The following TENM2 variants were observed in gnomAD, a reference collection of about 807,000 sequenced individuals.
The protein encoded by TENM2 is teneurin transmembrane protein 2, also known as teneurin-2.
A neutral mutation model predicts 245.2 loss-of-function variants in TENM2; 52 were observed. The ratio of observed to expected loss-of-function variants is 0.21; its 90% CI spans 0.17 to 0.27. The LOEUF is 0.27. Ranked by LOEUF, TENM2 falls within the 10% of genes least tolerant of loss-of-function variation. TENM2 has a pLI of 1.00. For missense variants in TENM2, 3,046 were observed against 3,666.8 expected (o/e 0.83, Z 4.37); for synonymous variants, 1,363 against 1,438.9 (o/e 0.95, Z 1.19).
At position 167,329,569 on chromosome 5, in the gene TENM2, A is replaced by AAAG. The variant is rs1235756620; in HGVS notation, c.226+44508_226+44509insGAA. ...TCAGTCTCAAAAAAAAAAAAAAAAA[A>AAAG]AAAAAAAAAAAGAGGTGGCATACTC... On this transcript the variant is annotated intron_variant, in intron 1 of 28. Transcript: ENST00000518659. Among the ~76,000 whole-genome samples, 5 of 149,596 alleles carry AAAG rather than the reference A, an allele frequency of 3.3e-5. No individual in the cohort carries two copies. In the East Asian group the frequency reaches 9.8e-4, roughly 29 times the overall value.
At chr5:168,164,846 T>G (rs1259017273) in intron 13 of TENM2, among the ~76,000 whole-genome samples, 2 of 152,194 alleles carry the variant, frequency 1.3e-5, no homozygotes, top group Non-Finnish European at 2.9e-5. Flanking sequence ...AAAATGTATT[T>G]AGTGCCACCT....
intron 6 of TENM2, 28 bp from the exon 9 acceptor site, chr5:168,062,032 T>C (rs1190912708): frequency 6.4e-7 from 1 of 1,562,762 alleles, no homozygotes. Flanking sequence ...CGTCATTGAC[T>C]GCTGTTTATT....
At chr5:167,702,723 G>A (rs1758246923) in intron 2 of TENM2, among the ~76,000 whole-genome samples, 1 of 151,988 alleles carries the variant, frequency 6.6e-6, no homozygotes, top group Non-Finnish European at 1.5e-5. Flanking sequence ...GGAGTGCAAT[G>A]GTACAATCTC....
chr5:167,697,573 T>C (rs1413269410), intron 2 of TENM2, among the ~76,000 whole-genome samples: 2 of 152,200 alleles, frequency 1.3e-5, no homozygotes, highest in African/African-American at 4.8e-5. Flanking sequence ...TCTTGTTGCC[T>C]GGAGTGCAGT....
At chr5:167,919,255 G>A (rs191820851) in intron 3 of TENM2, among the ~76,000 whole-genome samples, 10 of 152,200 alleles carry the variant, frequency 6.6e-5, no homozygotes, top group South Asian at 2.1e-4. Context: ...ATTTTGCACC[G>A]CCATCCGCCT....
At chr5:167,931,327 T>G (rs1300836972) in intron 3 of TENM2, among the ~76,000 whole-genome samples, 1 of 152,042 alleles carries the variant, frequency 6.6e-6, no homozygotes, top group Non-Finnish European at 1.5e-5. Context: ...TGTCAGAGAT[T>G]GAACTGGGGT....
At chr5:168,143,779 A>G (rs1335925661) in intron 12 of TENM2, among the ~76,000 whole-genome samples, 2 of 151,496 alleles carry the variant, frequency 1.3e-5, no homozygotes, top group African/African-American at 2.4e-5. Context: ...GTTTCTTTCA[A>G]TGATACCAGT....
chr5:167,655,078 G>C (rs186683040), intron 2 of TENM2, among the ~76,000 whole-genome samples: 2 of 152,096 alleles, frequency 1.3e-5, no homozygotes, highest in Admixed American at 1.3e-4. Context: ...ACAGACGATC[G>C]ATAGCCACAT....
At chr5:167,332,709 C>CA (rs549670156) in intron 1 of TENM2, among the ~76,000 whole-genome samples, 206 of 152,156 alleles carry the variant, frequency 1.4e-3, no homozygotes, top group African/African-American at 4.8e-3. Context: ...ACTAATCACA[C>CA]AAAAAAACCT....
the TENM2 span, among the ~76,000 whole-genome samples, chr5:167,243,177 G>A: frequency 6.6e-6 from 1 of 152,126 alleles, no homozygotes; most frequent in Non-Finnish European, 1.5e-5. Flanking sequence ...TAAGGAGGGG[G>A]TTGCCAGTGT....
intron 1 of TENM2, among the ~76,000 whole-genome samples, chr5:167,349,046 C>T (rs987498227): frequency 6.6e-6 from 1 of 152,150 alleles, no homozygotes; most frequent in African/African-American, 2.4e-5. Flanking sequence ...TTATAAAATT[C>T]CCCCACTTCA....
chr5:167,934,903 T>A, intron 3 of TENM2: 1 of 985,512 alleles, frequency 1.0e-6, no homozygotes, highest in Non-Finnish European at 1.2e-6. Flanking sequence ...CAGGCTGCAC[T>A]GCCCTTGAGT....
the TENM2 span, among the ~76,000 whole-genome samples, chr5:167,251,402 G>A: frequency 2.0e-5 from 3 of 152,068 alleles, no homozygotes; most frequent in Non-Finnish European, 4.4e-5. Flanking sequence ...AAACAATGAA[G>A]ATACAAGCTA....
At chr5:167,679,434 A>G (rs943828389) in intron 2 of TENM2, among the ~76,000 whole-genome samples, 1 of 152,200 alleles carries the variant, frequency 6.6e-6, no homozygotes, top group African/African-American at 2.4e-5. Context: ...AGCTAGTACT[A>G]TAGATGAACT....
At chr5:167,146,637 AAC>A in the TENM2 span, among the ~76,000 whole-genome samples, 1 of 152,170 alleles carries the variant, frequency 6.6e-6, no homozygotes, top group Non-Finnish European at 1.5e-5. Context: ...AATAAATATC[AAC>A]AGAGTCCAGC....
At chr5:167,859,766 T>C (rs1346480605) in intron 2 of TENM2, among the ~76,000 whole-genome samples, 80 of 58,302 alleles carry the variant, frequency 1.4e-3, no homozygotes, top group East Asian at 2.4e-3. Flanking sequence ...CCAGCCGCCC[T>C]GTCCGGGAGG....
At chr5:167,128,232 T>C in the TENM2 span, among the ~76,000 whole-genome samples, 1 of 152,212 alleles carries the variant, frequency 6.6e-6, no homozygotes, top group Non-Finnish European at 1.5e-5. Flanking sequence ...AAAAGGTAGC[T>C]ATTAATAGAT....
intron 9 of TENM2, among the ~76,000 whole-genome samples, chr5:168,103,123 C>A (rs973875532): frequency 1.3e-5 from 2 of 149,608 alleles, no homozygotes; most frequent in Non-Finnish European, 3.0e-5. Context: ...TGAGCGAGAA[C>A]ATGCGGTGTT....
intron 9 of TENM2, among the ~76,000 whole-genome samples, chr5:168,105,710 G>T (rs1257899990): frequency 1.3e-5 from 2 of 151,986 alleles, no homozygotes; most frequent in Non-Finnish European, 2.9e-5. Flanking sequence ...AGGAAAAATG[G>T]CATTTCTTTC....
Sources: gnomAD v4.1 joint callset for allele counts (sites outside exome capture counted in the v4.1 genomes callset) on GRCh38, gnomAD v4.1.1 for gene constraint, MANE v1.5 for transcripts, NCBI Gene and HGNC (gene_info 2026-07-23, HGNC 2026-07-21) for gene names.